The following THSD7B variants were observed in gnomAD, a reference collection of about 807,000 sequenced individuals.
The protein encoded by THSD7B is thrombospondin type 1 domain containing 7B.
A neutral mutation model predicts 213.6 loss-of-function variants in THSD7B; 138 were observed. The ratio of observed to expected loss-of-function variants is 0.65; its 90% confidence interval spans 0.56 to 0.74. The LOEUF (loss-of-function observed/expected upper bound fraction) is 0.74. Ranked by LOEUF, THSD7B falls within the 30% of genes least tolerant of loss-of-function variation. The probability of loss-of-function intolerance (pLI) is 0.00; values close to 1 mark genes in which losing one functional copy is unlikely to be tolerated. For missense variants in THSD7B, 1,931 were observed against 1,991.5 expected, an observed-to-expected ratio of 0.97 and a Z score of 0.58; for synonymous variants, 742 against 687.0, an observed-to-expected ratio of 1.08 and a Z score of -1.25.
intron 21 of THSD7B, among the ~76,000 whole-genome samples, chr2:137,652,273 T>C (rs558932648): frequency 2.0e-5 from 3 of 152,206 alleles, no homozygotes; most frequent in African/African-American, 7.2e-5. Context: ...AGTTGCTATA[T>C]CCTCTTGCTG....
chr2:137,347,860 A>G (rs921782258), intron 12 of THSD7B, among the ~76,000 whole-genome samples: 1 of 151,586 alleles, frequency 6.6e-6, no homozygotes, highest in Non-Finnish European at 1.5e-5. Flanking sequence ...TATCATGCTT[A>G]GATGTTCATC....
rs533834556 is a variant in THSD7B at position 137,588,483 on chromosome 2, T to C, written c.3423+15927T>C. On this transcript the variant is annotated intron_variant, in intron 17 of 27. Coordinates refer to ENST00000409968, the MANE Select transcript of THSD7B (RefSeq NM_001316349.2). ...CTGGAGCTGGAATATTTTTCAGTGT[T>C]TTTTTTTTTTTCAATTTCTCCATTT... Among the ~76,000 whole-genome samples, 25 of 149,454 alleles carry C rather than the reference T, an allele frequency of 1.7e-4. No individual in the cohort carries two copies. The South Asian group carries it at 2.1e-3, about 13-fold the overall frequency.
chr2:137,259,993 T>C (rs1023987741), intron 10 of THSD7B, among the ~76,000 whole-genome samples: 5 of 152,094 alleles, frequency 3.3e-5, no homozygotes, highest in African/African-American at 1.2e-4. Flanking sequence ...ATTTCTCTTA[T>C]CCAGTAAATC....
intron 4 of THSD7B, among the ~76,000 whole-genome samples, chr2:137,111,769 A>G (rs1164955995): frequency 6.6e-6 from 1 of 152,134 alleles, no homozygotes; most frequent in Non-Finnish European, 1.5e-5. Flanking sequence ...TCACACTCTC[A>G]CGTTGGTAAG....
intron 2 of THSD7B, among the ~76,000 whole-genome samples, chr2:136,911,253 G>A (rs1261630899): frequency 6.6e-6 from 1 of 152,158 alleles, no homozygotes; most frequent in Non-Finnish European, 1.5e-5. Flanking sequence ...AACATTTGGA[G>A]TGATGATTAT....
intron 3 of THSD7B, among the ~76,000 whole-genome samples, chr2:137,060,802 T>A (rs1353001905): frequency 6.6e-6 from 1 of 151,662 alleles, no homozygotes; most frequent in Non-Finnish European, 1.5e-5. Context: ...AGTCTTCCTA[T>A]TTTTTTTCTT....
chr2:137,139,573 G>C (rs748290878), intron 5 of THSD7B, among the ~76,000 whole-genome samples: 12 of 152,216 alleles, frequency 7.9e-5, no homozygotes, highest in Non-Finnish European at 1.3e-4. Context: ...TCTATATTTA[G>C]TCATTTGATT....
chr2:137,290,445 C>T (rs147294275), intron 12 of THSD7B, among the ~76,000 whole-genome samples: 5 of 152,164 alleles, frequency 3.3e-5, no homozygotes, highest in African/African-American at 7.2e-5. Context: ...AGTTTTCTCC[C>T]GATGCTTACT....
intron 18 of THSD7B, among the ~76,000 whole-genome samples, chr2:137,616,759 A>G (rs1208838161): frequency 6.6e-6 from 1 of 152,100 alleles, no homozygotes; most frequent in Admixed American, 6.5e-5. Context: ...GCTACTACTG[A>G]CTGGTCAGGG....
At chr2:137,529,308 G>A (rs1041179079) in intron 15 of THSD7B, among the ~76,000 whole-genome samples, 4 of 152,016 alleles carry the variant, frequency 2.6e-5, no homozygotes, top group Non-Finnish European at 5.9e-5. Flanking sequence ...ATTGTGACAA[G>A]CATTGGGAAT....
intron 1 of THSD7B, among the ~76,000 whole-genome samples, chr2:136,863,776 A>G (rs1484058207): frequency 6.6e-6 from 1 of 152,158 alleles, no homozygotes; most frequent in Non-Finnish European, 1.5e-5. Flanking sequence ...GTAAGCTTTC[A>G]TTATTGAGCT....
chr2:136,951,870 G>T (rs1177645513), intron 2 of THSD7B, among the ~76,000 whole-genome samples: 1 of 151,936 alleles, frequency 6.6e-6, no homozygotes, highest in African/African-American at 2.4e-5. Flanking sequence ...TTATTGGTTT[G>T]TTTGTTTTTG....
intron 17 of THSD7B, among the ~76,000 whole-genome samples, chr2:137,603,269 A>G (rs116270870): frequency 0.015 from 2,265 of 152,330 alleles, 53 homozygotes; most frequent in African/African-American, 0.051. Context: ...TGTGAATTAC[A>G]TGGGGTAAAT....
At chr2:137,029,507 A>C in intron 2 of THSD7B, among the ~76,000 whole-genome samples, 1 of 152,200 alleles carries the variant, frequency 6.6e-6, no homozygotes, top group Non-Finnish European at 1.5e-5. Context: ...TCTATCTTAA[A>C]ACATTCAAAG....
Position 137,381,826 on chromosome 2 carries a change from G to T in THSD7B, c.2501-23787G>T, listed in dbSNP as rs117232979. On this transcript the variant is annotated intron_variant, in intron 12 of 27. Coordinates refer to ENST00000409968, the MANE Select transcript of THSD7B (RefSeq NM_001316349.2). The stretch of plus-strand genomic sequence containing the variant: ...TGCTGTGTGACCCAGTCCCACCCAG[G>T]GACTTCAGCTCAAAGACTACGTGCT... Among the ~76,000 whole-genome samples the T allele has an allele frequency of 2.7e-4, 41 of 152,262 alleles. 1 individual carries two copies. The East Asian group carries it at 4.5e-3, about 17-fold the overall frequency.
rs35834967 is a variant in THSD7B, at chr2:137,401,634, CTT to C, written c.2501-3963_2501-3962del. Reference sequence around the variant, plus strand: ...TAGCTGCTGAGTTTTTTCTTTCTTTCTTTTTTTTTTTTTTTTTCTTCAACTCT... The same window carrying C: ...TAGCTGCTGAGTTTTTTCTTTCTTTCTTTTTTTTTTTTTTTCTTCAACTCT... On this transcript the variant is annotated intron_variant, in intron 12 of 27. Coordinates refer to ENST00000409968, the MANE Select transcript of THSD7B (RefSeq NM_001316349.2). 1.4e-4 allele frequency among the ~76,000 whole-genome samples: 19 copies of C among 132,670 alleles called. 1 individual carries two copies. Among genetic ancestry groups the C allele is most frequent in the Middle Eastern group, 4.1e-3 (1 of 246 alleles). 87.0% of individuals were successfully genotyped at this position (132,670 alleles called of 152,430 possible).
chr2:137,340,657 T>A (rs572192298), intron 12 of THSD7B, among the ~76,000 whole-genome samples: 1 of 151,968 alleles, frequency 6.6e-6, no homozygotes, highest in East Asian at 1.9e-4. Context: ...AGATTCCATG[T>A]GTAGGTGAGA....
intron 10 of THSD7B, among the ~76,000 whole-genome samples, chr2:137,253,364 C>G (rs1366586417): frequency 6.6e-6 from 1 of 152,112 alleles, no homozygotes; most frequent in African/African-American, 2.4e-5. Context: ...ACTATGCTGT[C>G]TTAGTTTATA....
chr2:136,987,314 G>T (rs1292621993), intron 2 of THSD7B, among the ~76,000 whole-genome samples: 1 of 152,142 alleles, frequency 6.6e-6, no homozygotes, highest in Non-Finnish European at 1.5e-5. Flanking sequence ...CACATCTGTA[G>T]CAATTCCATG....
Sources: gnomAD v4.1 joint callset for allele counts (sites outside exome capture counted in the v4.1 genomes callset) on GRCh38, gnomAD v4.1.1 for gene constraint, MANE v1.5 for transcripts, NCBI Gene and HGNC (gene_info 2026-07-23, HGNC 2026-07-21) for gene names.